Variants in MYH13 observed in about 807,000 individuals in gnomAD.
The protein encoded by MYH13 is myosin heavy chain 13.
In MYH13, 177 loss-of-function variants were observed where a neutral mutation model predicts 232.1. That is an observed-to-expected ratio of 0.76 (90% CI 0.67 to 0.86). MYH13 has a LOEUF of 0.86. Among genes scored for constraint, MYH13 ranks in the 40% least tolerant of loss-of-function variants. The pLI is 0.00. For synonymous variants in MYH13, 884 were observed against 923.5 expected (o/e 0.96, Z 0.78); for missense variants, 2,246 against 2,405.9 (o/e 0.93, Z 1.39).
At chr17:10,340,717 C>T (rs1597383845) in intron 16 of MYH13, among the ~76,000 whole-genome samples, 1 of 151,630 alleles carries the variant, frequency 6.6e-6, no homozygotes, top group East Asian at 2.0e-4. Flanking sequence ...TGAGATTTCA[C>T]CATGTTGGCC....
rs1435981859 is a variant in MYH13, at chr17:10,306,467, C to T, written c.5458G>A (p.Glu1820Lys). ...KGGKKQIQKLENRVRELENEL... is the reference protein window; with the variant it reads ...KGGKKQIQKLKNRVRELENEL... ...CCTCTCAAAAACTCTACCCGGTTCT[C>T]CAGTTTCTGGATCTGCTTCTTCCCG... is the stretch of plus-strand genomic sequence containing the variant. The change falls in exon 37 of 41, where the codon GAG becomes AAG. Residue 1820 changes from glutamate to lysine, a missense_variant. By Grantham distance (56) the Glu-to-Lys change is moderately conservative. Coordinates refer to ENST00000252172, the MANE Select transcript of MYH13 (RefSeq NM_003802.3). This position sits in a 1 kb window ranked among gnomAD's most constrained non-coding sequence, Gnocchi z 4.3. 3.1e-6 allele frequency: 5 copies of T among 1,614,022 alleles called. No individual in the cohort carries two copies. The African/African-American group carries it at 4.0e-5, about 13-fold the overall frequency.
chr17:10,325,130 T>C (rs1597378745), intron 22 of MYH13, among the ~76,000 whole-genome samples: 1 of 152,016 alleles, frequency 6.6e-6, no homozygotes, highest in South Asian at 2.1e-4. Flanking sequence ...GCCTCACTTA[T>C]AATAATTTCA....
intron 18 of MYH13, among the ~76,000 whole-genome samples, chr17:10,338,210 A>G (rs2142252776): frequency 7.2e-6 from 1 of 139,134 alleles, no homozygotes; most frequent in Admixed American, 7.7e-5. Context: ...CGACGACAGT[A>G]ACAGAAATGG....
rs371698796 is a variant in MYH13 at position 10,340,134 on chromosome 17, A to T, written c.2056+16T>A. 8.1e-6 allele frequency: 13 copies of T among 1,606,954 alleles called. No individual in the cohort carries two copies. The African/African-American group carries it at 1.2e-4, about 15-fold the overall frequency. On this transcript the variant is annotated intron_variant, in intron 18 of 40. Transcript: ENST00000252172. ...CTGTTCTGTTCAAATACTTGGCAAG[A>T]TCTGCTGGTACTCACCAGGAGTCTT...
intron 22 of MYH13, chr17:10,325,033 A>T (rs1419158646): frequency 6.6e-6 from 1 of 151,138 alleles, no homozygotes; most frequent in Non-Finnish European, 1.5e-5. Context: ...TGTGTTTCCC[A>T]GCTTGTCTCA....
chr17:10,302,084 C>T (rs1465444146), intron 39 of MYH13, among the ~76,000 whole-genome samples: 1 of 152,192 alleles, frequency 6.6e-6, no homozygotes, highest in Admixed American at 6.5e-5. Context: ...CACCATCTGT[C>T]TAAGGCCAGG....
chr17:10,306,970 G>C lies in MYH13; in HGVS notation c.5264C>G (p.Ala1755Gly). The C allele has an allele frequency of 1.2e-6, 2 of 1,613,960 alleles. No individual in the cohort carries two copies. The highest frequency in any genetic ancestry group is 1.7e-6 in the Non-Finnish European group (2 of 1,179,936). The change falls in exon 36 of 41, where the codon GCA (alanine) becomes GGA (glycine). Residue 1755 changes from alanine to glycine, a missense_variant. Transcript: ENST00000252172. This position sits in a 1 kb window ranked among gnomAD's most constrained non-coding sequence, Gnocchi z 4.3. ...VENSIQESRN[A>G]EEKAKKAITD... is the part of the protein sequence containing the mutation. ...GATGGCCTTCTTGGCCTTCTCCTCT[G>C]CGTTCCTGGACTCCTGGATCGAGTT...
chr17:10,360,880 C>T (rs1436982697), intron 5 of MYH13, among the ~76,000 whole-genome samples: 1 of 152,070 alleles, frequency 6.6e-6, no homozygotes, highest in Non-Finnish European at 1.5e-5. Context: ...AAGATTAAGG[C>T]AGGGATCAGG....
chr17:10,309,727 A>T lies in MYH13; in HGVS notation c.4760T>A (p.Ile1587Asn). ...DRKVIEKDEEIEQLKRNSQRA... is the reference protein window; with the variant it reads ...DRKVIEKDEENEQLKRNSQRA... ...CTGGCTGTTTCTTTTTAGCTGCTCG[A>T]TTTCTTCATCCTTCTCAATGACCTT... Residue 1587 changes from isoleucine to asparagine, a missense_variant, in exon 34 of 41, where the codon ATC becomes AAC. By Grantham distance (149) the Ile-to-Asn change is moderately radical. Transcript: ENST00000252172. The T allele has an allele frequency of 6.2e-7, 1 of 1,603,686 alleles. No individual in the cohort carries two copies. The highest frequency in any genetic ancestry group is 8.5e-7 in the Non-Finnish European group (1 of 1,175,062).
intron 8 of MYH13, 131 bp downstream of exon 8, chr17:10,357,604 A>G (rs762622060): frequency 1.4e-6 from 1 of 733,772 alleles, no homozygotes; most frequent in African/African-American, 1.8e-5. Context: ...AGGTGGGTAG[A>G]TTGATCTCAA....
chr17:10,357,495 G>T (rs375779328), intron 8 of MYH13, among the ~76,000 whole-genome samples: 1 of 152,160 alleles, frequency 6.6e-6, no homozygotes, highest in Non-Finnish European at 1.5e-5. Context: ...GTGACTTCAG[G>T]ATGCTGTGAG....
intron 23 of MYH13, among the ~76,000 whole-genome samples, chr17:10,322,791 G>T (rs369222262): frequency 6.6e-6 from 1 of 151,884 alleles, no homozygotes; most frequent in Non-Finnish European, 1.5e-5. Context: ...CCGCCACCAC[G>T]CCCGGCTAAT....
intron 2 of MYH13, among the ~76,000 whole-genome samples, chr17:10,367,078 A>G (rs1307288715): frequency 6.6e-6 from 1 of 152,228 alleles, no homozygotes; most frequent in Non-Finnish European, 1.5e-5. Flanking sequence ...GAAAGAATTC[A>G]TCCACATGGC....
chr17:10,301,490 C>A, intron 40 of MYH13, 79 bp downstream of exon 40: 1 of 1,582,892 alleles, frequency 6.3e-7, no homozygotes, highest in South Asian at 1.2e-5. Flanking sequence ...CTCCCACACT[C>A]AGGCATTCGC....
At chr17:10,313,024 T>C in intron 30 of MYH13, 134 bp downstream of exon 30, 1 of 1,386,792 alleles carries the variant, frequency 7.2e-7, no homozygotes, top group Non-Finnish European at 9.9e-7. Context: ...CCCCAGAGGG[T>C]GGGGGGTACA....
At chr17:10,333,018 GA>G (rs1381064910) in intron 19 of MYH13, 55 bp downstream of exon 19, 1 of 1,366,080 alleles carries the variant, frequency 7.3e-7, no homozygotes, top group Non-Finnish European at 1.0e-6. Flanking sequence ...ATGTCTTAGG[GA>G]AATGCAAAAG....
At chr17:10,362,031 C>T (rs958854948) in intron 5 of MYH13, 87 bp downstream of exon 5, 1 of 1,608,648 alleles carries the variant, frequency 6.2e-7, no homozygotes, top group Non-Finnish European at 8.5e-7. Context: ...TTGATTATTG[C>T]ACCATTCAGA....
At position 10,322,734 on chromosome 17, in the gene MYH13, C is replaced by T. The variant is rs373374686; in HGVS notation, c.2935-1026G>A. Among the ~76,000 whole-genome samples, 45 of 149,496 alleles carry T rather than the reference C, an allele frequency of 3.0e-4. No individual in the cohort carries two copies. The East Asian group carries it at 6.2e-3, about 21-fold the overall frequency. On this transcript the variant is annotated intron_variant, in intron 23 of 40. Transcript: ENST00000252172. ...CTGCAAGCTCCGCCTCCCGGGTTCA[C>T]GCCATTCTCCGGCCTCAGCCTCCTG... is the stretch of plus-strand genomic sequence containing the variant.
At chr17:10,349,108 C>A (rs987800529) in intron 12 of MYH13, among the ~76,000 whole-genome samples, 7 of 145,992 alleles carry the variant, frequency 4.8e-5, no homozygotes, top group African/African-American at 1.8e-4. Context: ...CTCTTTCTTT[C>A]TTTCTCTTTA....
Sources: allele counts gnomAD v4.1 joint callset (sites outside exome capture counted in the v4.1 genomes callset), GRCh38; gene constraint gnomAD v4.1.1; non-coding constraint Gnocchi (gnomAD v3.1); transcripts MANE v1.5; gene names NCBI Gene and HGNC (gene_info 2026-07-23, HGNC 2026-07-21).